RYR2: variants seen among roughly 807,000 people sequenced by gnomAD.
RYR2 encodes cardiac muscle ryanodine receptor-calcium release channel.
Under a neutral mutation model 601.1 loss-of-function variants are expected in RYR2, and 227 were observed. That is an observed-to-expected ratio of 0.38 (90% CI 0.34 to 0.42). The LOEUF is 0.42. Among genes scored for constraint, RYR2 ranks in the 10% least tolerant of loss-of-function variants. The probability of loss-of-function intolerance (pLI) is 1.00; values close to 1 mark genes in which losing one functional copy is unlikely to be tolerated. For synonymous variants in RYR2, 2,223 were observed against 2,175.1 expected (o/e 1.02, Z -0.61); for missense variants, 4,646 against 6,156.5 (o/e 0.75, Z 8.21).
intron 36 of RYR2, among the ~76,000 whole-genome samples, chr1:237,611,323 G>A (rs1677844173): frequency 6.6e-6 from 1 of 152,114 alleles, no homozygotes; most frequent in Non-Finnish European, 1.5e-5. Flanking sequence ...GCAGAGTACT[G>A]TAATAGAGAA....
chr1:237,208,216 C>T (rs1224865552), intron 1 of RYR2, among the ~76,000 whole-genome samples: 1 of 152,186 alleles, frequency 6.6e-6, no homozygotes, highest in Non-Finnish European at 1.5e-5. Flanking sequence ...TCGCTGGTAA[C>T]CATTGAGCCA....
rs1392451418 is a variant in RYR2, at chr1:237,610,832, G to A, written c.4754G>A (p.Arg1585His). The stretch of plus-strand genomic sequence containing the variant: ...AACCCCGTGCCGCAGTGCCCCCCGC[G>A]CCTCCACGTGCAGTTCCTGTCACAC... ...HKNPVPQCPP[R>H]LHVQFLSHVL... The change falls in exon 36 of 105, where the codon CGC becomes CAC. Residue 1585 changes from arginine to histidine, a missense_variant. Arg to His is a conservative substitution (Grantham distance 29). This residue lies in a region of RYR2 where 1,807 missense variants were observed against 2,088.1 expected (regional missense o/e 0.87). Coordinates refer to ENST00000366574, the MANE Select transcript of RYR2 (RefSeq NM_001035.3). The surrounding 1 kb of genome is among the most constrained non-coding windows in gnomAD (Gnocchi z 4.9). 1.2e-5 allele frequency: 20 copies of A among 1,612,568 alleles called. No homozygotes were observed. The highest frequency in any genetic ancestry group is 3.3e-5 in the South Asian group (3 of 90,720).
At chr1:237,444,634 ATAGG>A (rs1273319142) in intron 13 of RYR2, among the ~76,000 whole-genome samples, 1 of 152,172 alleles carries the variant, frequency 6.6e-6, no homozygotes, top group Non-Finnish European at 1.5e-5. Flanking sequence ...AAGGATAGGG[ATAGG>A]AAGAGAGCAC....
chr1:237,825,450 C>T (rs1287333282), intron 101 of RYR2, among the ~76,000 whole-genome samples: 1 of 152,170 alleles, frequency 6.6e-6, no homozygotes, highest in African/African-American at 2.4e-5. Flanking sequence ...GTTGAGAAAA[C>T]TGGCTAGCCA....
At chr1:237,600,234 T>C (rs1676348833) in intron 34 of RYR2, among the ~76,000 whole-genome samples, 1 of 151,748 alleles carries the variant, frequency 6.6e-6, no homozygotes, top group Non-Finnish European at 1.5e-5. Flanking sequence ...ACTACAAAGC[T>C]ATGGTAACCA....
At chr1:237,056,207 GC>G (rs1396478406) in intron 1 of RYR2, among the ~76,000 whole-genome samples, 2 of 149,358 alleles carry the variant, frequency 1.3e-5, no homozygotes, top group East Asian at 2.0e-4. Context: ...GAGGACTGGA[GC>G]ACTGCACCTG....
At chr1:237,412,193 A>G (rs1211323224) in intron 10 of RYR2, among the ~76,000 whole-genome samples, 2 of 152,146 alleles carry the variant, frequency 1.3e-5, no homozygotes, top group Non-Finnish European at 2.9e-5. Context: ...TTTATAGCCA[A>G]AAATACAAAA....
In RYR2 at chr1:237,277,191, G is replaced by A. The variant is rs540628320; in HGVS notation, c.168+6575G>A. On this transcript the variant is annotated intron_variant, in intron 2 of 104. Coordinates refer to ENST00000366574, the MANE Select transcript of RYR2 (RefSeq NM_001035.3). ...CTTTGAACTTACTCATAGGGAAAAG[G>A]CACTGAACAAAATTTAAATTCTATT... Among the ~76,000 whole-genome samples, 3 of 152,170 alleles carry A rather than the reference G, an allele frequency of 2.0e-5. No homozygotes were observed. The South Asian group carries it at 6.2e-4, about 32-fold the overall frequency.
chr1:237,600,087 T>C (rs1362949222), intron 34 of RYR2, among the ~76,000 whole-genome samples: 4 of 152,066 alleles, frequency 2.6e-5, no homozygotes, highest in African/African-American at 9.7e-5. Context: ...TAATTCTAAA[T>C]TTCTTATGAA....
In RYR2 at chr1:237,566,732, A is replaced by G. The variant is rs200525962; in HGVS notation, c.3380A>G (p.Glu1127Gly). 7.5e-4 allele frequency: 1,213 copies of G among 1,613,894 alleles called. 14 individuals are homozygous for G. Among genetic ancestry groups the G allele is most frequent in the South Asian group, 5.4e-3 (495 of 91,076 alleles). Residue 1127 changes from glutamate (E) to glycine (G), a missense_variant, in exon 28 of 105, where the codon GAG (glutamate) becomes GGG (glycine). Glu to Gly is a moderately conservative substitution (Grantham distance 98, BLOSUM62 -2). Around this residue, in one of 17 missense-constraint regions of RYR2, gnomAD observed 1,807 missense variants for 2,088.1 expected, o/e 0.87. Coordinates refer to ENST00000366574, the MANE Select transcript of RYR2 (RefSeq NM_001035.3). ...WSRPGCQPDQ[E>G]LGSDERAFAF... is the part of the protein sequence containing the mutation. ...CGTCCTGGTTGTCAACCGGATCAGG[A>G]GCTTGGCTCAGATGAACGTGCCTTT...
rs145919043 is a variant in RYR2, at chr1:237,052,355, G to A, written c.48+9786G>A. On this transcript the variant is annotated intron_variant, in intron 1 of 104. Coordinates refer to ENST00000366574, the MANE Select transcript of RYR2 (RefSeq NM_001035.3). ...CATGATATTGGGCTCCAAAACTCAC[G>A]GAGTAAATGGCCAATGGTGAAGTAA... Among the ~76,000 whole-genome samples, 262 of 152,232 alleles carry A rather than the reference G, an allele frequency of 1.7e-3. 2 individuals carry two copies. In the East Asian group the frequency reaches 0.032, roughly 19 times the overall value.
chr1:237,813,067 A>T (rs1241165746), intron 100 of RYR2, among the ~76,000 whole-genome samples: 2 of 152,072 alleles, frequency 1.3e-5, no homozygotes, highest in Non-Finnish European at 2.9e-5. Flanking sequence ...TGTGTTAAGG[A>T]TCCTTCATCT....
chr1:237,199,607 T>C (rs1279868311), intron 1 of RYR2, among the ~76,000 whole-genome samples: 4 of 152,212 alleles, frequency 2.6e-5, no homozygotes. Context: ...ACTGACTCAG[T>C]GTTAATCTTC....
intron 1 of RYR2, among the ~76,000 whole-genome samples, chr1:237,257,209 A>G (rs966052093): frequency 1.3e-5 from 2 of 152,096 alleles, no homozygotes; most frequent in Non-Finnish European, 2.9e-5. Flanking sequence ...GTGGGCCCAG[A>G]TTTGTCTCAT....
At chr1:237,092,044 G>C (rs189571898) in intron 1 of RYR2, among the ~76,000 whole-genome samples, 1 of 152,082 alleles carries the variant, frequency 6.6e-6, no homozygotes, top group African/African-American at 2.4e-5. Context: ...AGCTCTCTCT[G>C]GTCTTGATTT....
At chr1:237,831,853 C>T (rs1558505462) in intron 104 of RYR2, among the ~76,000 whole-genome samples, 1 of 70,216 alleles carries the variant, frequency 1.4e-5, no homozygotes, top group East Asian at 7.1e-4. Flanking sequence ...TTAATTATTG[C>T]ATAATGTCTT....
At chr1:237,570,054 A>T (rs2990544) in intron 29 of RYR2, among the ~76,000 whole-genome samples, 2 of 151,486 alleles carry the variant, frequency 1.3e-5, no homozygotes. Context: ...CATGTCTACT[A>T]AAAAATACAA....
chr1:237,131,728 AT>A (rs138810409), intron 1 of RYR2, among the ~76,000 whole-genome samples: 146 of 147,310 alleles, frequency 9.9e-4, no homozygotes, highest in African/African-American at 2.4e-3. Flanking sequence ...TCAAATCTGC[AT>A]TTTTTTTTTT....
At chr1:237,252,256 C>T (rs1253084283) in intron 1 of RYR2, among the ~76,000 whole-genome samples, 2 of 152,056 alleles carry the variant, frequency 1.3e-5, no homozygotes, top group Admixed American at 1.3e-4. Flanking sequence ...TCAACTCAGC[C>T]CACCAGCCCA....
Sources: gnomAD v4.1 joint callset for allele counts (sites outside exome capture counted in the v4.1 genomes callset) on GRCh38, gnomAD v4.1.1 for gene constraint, gnomAD v4.1.1 regional missense constraint, Gnocchi (gnomAD v3.1) non-coding constraint, MANE v1.5 for transcripts, NCBI Gene and HGNC (gene_info 2026-07-23, HGNC 2026-07-21) for gene names.